The following AEN variants were observed in gnomAD, a reference collection of about 807,000 sequenced individuals.
AEN encodes the protein apoptosis enhancing nuclease.
In AEN, 21 loss-of-function variants were observed where a neutral mutation model predicts 17.7. The observed-to-expected ratio is 1.19, with a 90% CI of 0.84 to 1.71. The LOEUF (loss-of-function observed/expected upper bound fraction) is 1.71. Among genes scored for constraint, AEN ranks in the 40% most tolerant of loss-of-function variants. The probability of loss-of-function intolerance (pLI) is 0.00; values close to 1 mark genes in which losing one functional copy is unlikely to be tolerated. For synonymous variants in AEN, 190 were observed against 173.0 expected (o/e 1.10, Z -0.77); for missense variants, 462 against 435.9 (o/e 1.06, Z -0.53).
Position 88,626,126 on chromosome 15 carries a change from C to A in AEN, c.-64-20C>A. On this transcript the variant is annotated intron_variant, in intron 1 of 3. Coordinates refer to ENST00000332810, the MANE Select transcript of AEN (RefSeq NM_022767.4). The stretch of plus-strand genomic sequence containing the variant: ...GGCACACTCTCACCCAGCCCCTCTG[C>A]CTGTGTGTTCTCTCTTCAGGCTGCT... 1 of 1,441,138 alleles carries A rather than the reference C, an allele frequency of 6.9e-7. No homozygotes were observed. Among genetic ancestry groups the A allele is most frequent in the Non-Finnish European group, 9.2e-7 (1 of 1,090,750 alleles). The allele number at this position is 1,441,138 out of a possible 1,614,324, so 89.3% of individuals were successfully genotyped here. A position where few individuals can be genotyped will look rare whatever the true frequency, so the allele number is the denominator to read the frequency against.
chr15:88,624,531 G>A (rs933397077), intron 1 of AEN, among the ~76,000 whole-genome samples: 1 of 152,194 alleles, frequency 6.6e-6, no homozygotes, highest in Non-Finnish European at 1.5e-5. Context: ...AGTAGAGGGG[G>A]TGGTAGGATC....
At chr15:88,612,760 C>A in the AEN span, among the ~76,000 whole-genome samples, 1 of 152,034 alleles carries the variant, frequency 6.6e-6, no homozygotes, top group Non-Finnish European at 1.5e-5. Flanking sequence ...GCCACCAACT[C>A]AGCTAATTTT....
chr15:88,627,145 T>G (rs4932367), intron 2 of AEN: 146,323 of 201,326 alleles, frequency 0.73, 57,265 homozygotes, highest in Non-Finnish European at 0.85. Context: ...TAGAAAAAAT[T>G]AATTAGTGGT....
intron 1 of AEN, among the ~76,000 whole-genome samples, chr15:88,623,272 A>AGCAGGGTGGATGAG (rs2057810615): frequency 6.6e-6 from 1 of 152,222 alleles, no homozygotes; most frequent in Non-Finnish European, 1.5e-5. Flanking sequence ...GGGATGAGCA[A>AGCAGGGTGGATGAG]GCAGGGTGGA....
the AEN span, chr15:88,611,701 A>T: frequency 2.4e-4 from 72 of 306,206 alleles, no homozygotes; most frequent in East Asian, 5.8e-3. Flanking sequence ...TGAGGTGAGG[A>T]GAGGTGTTCA....
chr15:88,618,961 C>G (rs1354513289), upstream of AEN, among the ~76,000 whole-genome samples: 1 of 152,110 alleles, frequency 6.6e-6, no homozygotes, highest in Non-Finnish European at 1.5e-5. Flanking sequence ...CACACACCTC[C>G]ACATTTATTT....
Position 88,631,331 on chromosome 15 carries a change from C to T in AEN, c.*1037C>T. On this transcript the variant is annotated 3_prime_UTR_variant, in exon 4 of 4. Coordinates refer to ENST00000332810, the MANE Select transcript of AEN (RefSeq NM_022767.4). ...CCCCGAACCTGGTCTGATGCCCCCTCAGCTCTTTGACAATCACTGTGGCTG... is the reference window on the plus strand; with the variant it reads ...CCCCGAACCTGGTCTGATGCCCCCTTAGCTCTTTGACAATCACTGTGGCTG... 1 of 300,104 alleles carries T rather than the reference C, an allele frequency of 3.3e-6. No individual in the cohort carries two copies. The highest frequency in any genetic ancestry group is 2.6e-5 in the South Asian group (1 of 37,922). The allele number at this position is 300,104 out of a possible 1,614,324, so 18.6% of individuals were successfully genotyped here. A position where few individuals can be genotyped will look rare whatever the true frequency, so the allele number is the denominator to read the frequency against.
chr15:88,627,630 T>A (rs1392059092), intron 2 of AEN: 2 of 152,146 alleles, frequency 1.3e-5, no homozygotes, highest in Non-Finnish European at 2.9e-5. Flanking sequence ...TTCTTTGAAG[T>A]CAGACAGGAA....
chr15:88,606,793 C>A, the AEN span, among the ~76,000 whole-genome samples: 1 of 152,158 alleles, frequency 6.6e-6, no homozygotes, highest in African/African-American at 2.4e-5. Flanking sequence ...TAAGTAAAGG[C>A]GCATAGCAGA....
At chr15:88,614,453 G>T in the AEN span, among the ~76,000 whole-genome samples, 2 of 152,086 alleles carry the variant, frequency 1.3e-5, no homozygotes, top group African/African-American at 2.4e-5. Context: ...CTACCACCTT[G>T]GCTTCCCCAA....
upstream of AEN, among the ~76,000 whole-genome samples, chr15:88,618,343 G>A (rs1305711712): frequency 1.3e-5 from 2 of 152,002 alleles, no homozygotes; most frequent in African/African-American, 4.8e-5. Flanking sequence ...GTACATTTCT[G>A]TCACACAATT....
chr15:88,625,537 C>T (rs892387758), intron 1 of AEN, among the ~76,000 whole-genome samples: 6 of 152,124 alleles, frequency 3.9e-5, no homozygotes, highest in African/African-American at 1.4e-4. Flanking sequence ...AAATAAATTA[C>T]AGTTGGTTAT....
upstream of AEN, among the ~76,000 whole-genome samples, chr15:88,617,676 C>T (rs989860477): frequency 3.3e-5 from 5 of 152,034 alleles, no homozygotes; most frequent in South Asian, 2.1e-4. Flanking sequence ...CCCCGTCTCT[C>T]GGGTTCTGGA....
chr15:88,612,005 G>A, the AEN span: 1 of 423,054 alleles, frequency 2.4e-6, no homozygotes, highest in Non-Finnish European at 4.7e-6. Flanking sequence ...TGTATCTTTT[G>A]TGTTTCCTAG....
In AEN at chr15:88,631,248, C is replaced by A. The variant is rs2057924677; in HGVS notation, c.*954C>A. On this transcript the variant is annotated 3_prime_UTR_variant, in exon 4 of 4. Transcript: ENST00000332810. ...CTAGGGCAGTGGAGTCTGCGTGTCT[C>A]CTGGGGCTGGGGCAGGGCATTGGCA... 7 of 442,418 alleles carry A rather than the reference C, an allele frequency of 1.6e-5. 1 individual carries two copies. Among genetic ancestry groups the A allele is most frequent in the South Asian group, 9.4e-5 (6 of 64,104 alleles). The allele number at this position is 442,418 out of a possible 1,614,324, so 27.4% of individuals were successfully genotyped here. A position where few individuals can be genotyped will look rare whatever the true frequency, so the allele number is the denominator to read the frequency against.
chr15:88,618,519 A>G (rs937755748), upstream of AEN, among the ~76,000 whole-genome samples: 5 of 152,254 alleles, frequency 3.3e-5, no homozygotes, highest in Non-Finnish European at 7.3e-5. Context: ...ATCTTTAAAC[A>G]TACAAGTTAA....
At position 88,630,049 on chromosome 15, in the gene AEN, C is replaced by T. The variant is rs201742877; in HGVS notation, c.742-9C>T. 69 of 1,613,702 alleles carry T rather than the reference C, an allele frequency of 4.3e-5. No individual in the cohort carries two copies. The highest frequency in any genetic ancestry group is 4.2e-4 in the East Asian group (19 of 44,876). On this transcript the variant is annotated splice_polypyrimidine_tract_variant and intron_variant, in intron 3 of 3. Coordinates refer to ENST00000332810, the MANE Select transcript of AEN (RefSeq NM_022767.4). The surrounding 1 kb of genome is among the most constrained non-coding windows in gnomAD (Gnocchi z 5.1). ...CTGCAGGCAGTGATGTGTTGGCTCT[C>T]GTCAGTAGGTGGGCCAGCACGGGCA...
chr15:88,619,231 G>GGAAA (rs2057761858), upstream of AEN, among the ~76,000 whole-genome samples: 1 of 152,172 alleles, frequency 6.6e-6, no homozygotes, highest in Non-Finnish European at 1.5e-5. Context: ...ATTTCCCAAG[G>GGAAA]TAATGCAGCA....
intron 2 of AEN, 94 bp from the exon 3 acceptor site, chr15:88,629,132 C>G (rs2057891928): frequency 1.6e-6 from 2 of 1,220,836 alleles, no homozygotes; most frequent in African/African-American, 3.0e-5. Flanking sequence ...CCACAGGGAT[C>G]CATGCATCTA....
Sources: allele counts gnomAD v4.1 joint callset (sites outside exome capture counted in the v4.1 genomes callset), GRCh38; gene constraint gnomAD v4.1.1; non-coding constraint Gnocchi (gnomAD v3.1); transcripts MANE v1.5; gene names NCBI Gene and HGNC (gene_info 2026-07-23, HGNC 2026-07-21).